The following MCRIP1 variants were observed in gnomAD, a reference collection of about 807,000 sequenced individuals.
MCRIP1 encodes MAPK regulated corepressor interacting protein 1.
Under a neutral mutation model 14.4 loss-of-function variants are expected in MCRIP1, and 10 were observed. That is an observed-to-expected ratio of 0.70 (90% CI 0.43 to 1.18). MCRIP1 has a LOEUF of 1.18. Among genes scored for constraint, MCRIP1 ranks in the 50% most tolerant of loss-of-function variants. The pLI, the probability that MCRIP1 is intolerant of heterozygous loss-of-function variation, is 0.00. For synonymous variants in MCRIP1, 53 were observed against 55.7 expected, an observed-to-expected ratio of 0.95 and a Z score of 0.21; for missense variants, 119 against 135.4, an observed-to-expected ratio of 0.88 and a Z score of 0.60.
At chr17:81,832,472 C>A (rs548287512) in intron 1 of MCRIP1, among the ~76,000 whole-genome samples, 18 of 152,308 alleles carry the variant, frequency 1.2e-4, no homozygotes, top group African/African-American at 4.3e-4. Flanking sequence ...CACTTCCCAC[C>A]CTCTCTACAC....
intron 1 of MCRIP1, chr17:81,826,348 C>A (rs2038396248): frequency 6.5e-7 from 1 of 1,535,544 alleles, no homozygotes; most frequent in Non-Finnish European, 8.7e-7. Context: ...CACCTGCCCA[C>A]ACACATGCGG....
At chr17:81,826,155 C>A in intron 1 of MCRIP1, 3 of 1,494,096 alleles carry the variant, frequency 2.0e-6, no homozygotes, top group South Asian at 1.3e-5. Context: ...GTCACTCCTG[C>A]CCCAGATCCC....
chr17:81,827,898 A>T (rs975176011), intron 1 of MCRIP1, among the ~76,000 whole-genome samples: 5 of 145,466 alleles, frequency 3.4e-5, no homozygotes, highest in Non-Finnish European at 6.0e-5. Flanking sequence ...CTCCTGCCTC[A>T]GCCTCTCGAG....
In MCRIP1 at chr17:81,824,347, G is replaced by C; in HGVS notation, c.67C>G (p.Pro23Ala). 1.3e-6 allele frequency: 2 copies of C among 1,532,000 alleles called. No homozygotes were observed. Among genetic ancestry groups the C allele is most frequent in the Middle Eastern group, 1.7e-4 (1 of 5,956 alleles). The allele number at this position is 1,532,000 out of a possible 1,614,324, so 94.9% of individuals were successfully genotyped here. ...GKRTSSPRSP[P>A]SSSEIFTPAH... Reference sequence around the variant, plus strand: ...GGGGTGAAGATCTCGCTGCTGCTGGGTGGGGAGCGGGGGCTGCTGGTCCTC... The same window carrying C: ...GGGGTGAAGATCTCGCTGCTGCTGGCTGGGGAGCGGGGGCTGCTGGTCCTC... Residue 23 changes from proline to alanine, a missense_variant, in exon 3 of 5, where the codon CCC (proline) becomes GCC (alanine). Physicochemically the swap from Pro to Ala is conservative, Grantham distance 27. Transcript: ENST00000455127.
chr17:81,824,454 C>G, intron 2 of MCRIP1, 45 bp downstream of exon 2: 1 of 1,534,014 alleles, frequency 6.5e-7, no homozygotes, highest in Non-Finnish European at 8.7e-7. Flanking sequence ...GGTGGGAGCC[C>G]ACAACCCGCC....
chr17:81,823,386 C>A lies in MCRIP1; in HGVS notation c.229+26G>T, dbSNP rs1427716843. 4 of 1,536,328 alleles carry A rather than the reference C, an allele frequency of 2.6e-6. No individual in the cohort carries two copies. The African/African-American group carries it at 4.1e-5, about 16-fold the overall frequency. The stretch of plus-strand genomic sequence containing the variant: ...TGAGGCCCGGCCTGCCGGCCCAGCC[C>A]TGCCCCCAGGTCAGCCCCCACTCAC... On this transcript the variant is annotated intron_variant, in intron 4 of 4. Coordinates refer to ENST00000455127, the MANE Select transcript of MCRIP1 (RefSeq NM_207368.5). This position sits in a 1 kb window ranked among gnomAD's most constrained non-coding sequence, Gnocchi z 6.0.
At position 81,826,264 on chromosome 17, in the gene MCRIP1, T is replaced by G. The variant is rs368953157; in HGVS notation, c.-48-1710A>C. On this transcript the variant is annotated intron_variant, in intron 1 of 4. Coordinates refer to ENST00000455127, the MANE Select transcript of MCRIP1 (RefSeq NM_207368.5). ...ACACACACACCTGCCCACACATACCTACCTGCACACACCTTAGCTGAATAC... is the reference window on the plus strand; with the variant it reads ...ACACACACACCTGCCCACACATACCGACCTGCACACACCTTAGCTGAATAC... 5 of 1,530,788 alleles carry G rather than the reference T, an allele frequency of 3.3e-6. No individual in the cohort carries two copies. The East Asian group carries it at 7.4e-5, about 23-fold the overall frequency. The allele number at this position is 1,530,788 out of a possible 1,614,324, so 94.8% of individuals were successfully genotyped here.
Position 81,825,414 on chromosome 17 carries a change from G to C in MCRIP1, c.-48-860C>G, listed in dbSNP as rs374866339. Reference sequence around the variant, plus strand: ...GGTCTCCAGCCTGCCCTGCTCCAGAGGGGGCAACTCCAGGTTCTGGGGGAG... The same window carrying C: ...GGTCTCCAGCCTGCCCTGCTCCAGACGGGGCAACTCCAGGTTCTGGGGGAG... On this transcript the variant is annotated intron_variant, in intron 1 of 4. Coordinates refer to ENST00000455127, the MANE Select transcript of MCRIP1 (RefSeq NM_207368.5). 149 of 1,191,310 alleles carry C rather than the reference G, an allele frequency of 1.3e-4. 1 individual carries two copies. The East Asian group carries it at 1.9e-3, about 15-fold the overall frequency. The allele number at this position is 1,191,310 out of a possible 1,614,324, so 73.8% of individuals were successfully genotyped here.
At chr17:81,824,244 C>G in intron 3 of MCRIP1, 43 bp downstream of exon 3, 4 of 1,466,510 alleles carry the variant, frequency 2.7e-6, no homozygotes, top group South Asian at 1.2e-5. Context: ...GAGCTGACTC[C>G]GTCAAGGACA....
At chr17:81,832,332 A>G (rs1221593914) in intron 1 of MCRIP1, among the ~76,000 whole-genome samples, 1 of 151,196 alleles carries the variant, frequency 6.6e-6, no homozygotes, top group Non-Finnish European at 1.5e-5. Context: ...CCACCTCCTC[A>G]CCCTCTCCCC....
At chr17:81,825,023 G>A (rs2143212636) in intron 1 of MCRIP1, 1 of 1,024,422 alleles carries the variant, frequency 9.8e-7, no homozygotes, top group South Asian at 4.0e-5. Context: ...GGCTTCTGCT[G>A]AGCCTTGATT....
chr17:81,828,196 CGAA>C (rs1187180897), intron 1 of MCRIP1, among the ~76,000 whole-genome samples: 1 of 152,140 alleles, frequency 6.6e-6, no homozygotes, highest in East Asian at 1.9e-4. Flanking sequence ...TTCCCAGACA[CGAA>C]GAGCCCTTCC....
At chr17:81,831,273 G>A (rs1182453828) in intron 1 of MCRIP1, among the ~76,000 whole-genome samples, 1 of 151,316 alleles carries the variant, frequency 6.6e-6, no homozygotes, top group African/African-American at 2.4e-5. Flanking sequence ...CCCAGGAGGC[G>A]CAGGTTGCAG....
At chr17:81,828,414 AGCTGG>A (rs1198053127) in intron 1 of MCRIP1, among the ~76,000 whole-genome samples, 1 of 152,058 alleles carries the variant, frequency 6.6e-6, no homozygotes, top group Non-Finnish European at 1.5e-5. Flanking sequence ...CCTGCCAAGG[AGCTGG>A]GTGCCCAATT....
intron 1 of MCRIP1, chr17:81,826,340 C>T (rs1229638653): frequency 6.5e-7 from 1 of 1,535,626 alleles, no homozygotes; most frequent in East Asian, 2.4e-5. Flanking sequence ...TCTGTACACA[C>T]CTGCCCACAC....
At chr17:81,827,223 T>A (rs1317967298) in intron 1 of MCRIP1, among the ~76,000 whole-genome samples, 1 of 151,262 alleles carries the variant, frequency 6.6e-6, no homozygotes, top group East Asian at 1.9e-4. Flanking sequence ...AGCCCAAGAG[T>A]TCAAAACCAG....
At chr17:81,827,582 A>G (rs1333511061) in intron 1 of MCRIP1, among the ~76,000 whole-genome samples, 1 of 150,648 alleles carries the variant, frequency 6.6e-6, no homozygotes, top group East Asian at 2.0e-4. Context: ...GCAAAATCCC[A>G]TTTCTACAAA....
intron 1 of MCRIP1, chr17:81,826,463 C>A: frequency 7.9e-7 from 1 of 1,271,680 alleles, no homozygotes. Flanking sequence ...GTCAAGGCTG[C>A]AGGGAGCCAA....
chr17:81,826,689 G>GT, intron 1 of MCRIP1: 1 of 356,976 alleles, frequency 2.8e-6, no homozygotes, highest in South Asian at 3.7e-5. Context: ...CGTGGTGGCA[G>GT]GCACCCGTAA....
Sources: allele counts gnomAD v4.1 joint callset (sites outside exome capture counted in the v4.1 genomes callset), GRCh38; gene constraint gnomAD v4.1.1; non-coding constraint Gnocchi (gnomAD v3.1); transcripts MANE v1.5; gene names NCBI Gene and HGNC (gene_info 2026-07-23, HGNC 2026-07-21).